CD244: variants seen among roughly 807,000 people sequenced by gnomAD.
The protein encoded by CD244 is CD244 molecule, also known as natural killer cell receptor 2B4.
CD244 carries 20 observed loss-of-function variants against 45.5 expected under a neutral mutation model. The observed-to-expected ratio is 0.44, with a 90% CI of 0.31 to 0.64. The LOEUF (loss-of-function observed/expected upper bound fraction) is 0.64. CD244 is among the 30% of genes least tolerant of loss of function. CD244 has a pLI of 0.08. For synonymous variants in CD244, 185 were observed against 160.5 expected (o/e 1.15, Z -1.15); for missense variants, 407 against 426.9 (o/e 0.95, Z 0.41).
rs3766377 is a variant in CD244 at position 160,830,769 on chromosome 1, A to G, written c.*578T>C. 51,023 of 153,088 alleles carry G rather than the reference A, an allele frequency of 0.33. 9,181 individuals are homozygous for G. The highest frequency in any genetic ancestry group is 0.47 in the African/African-American group (19,493 of 41,468). The allele number at this position is 153,088 out of a possible 1,614,324, so 9.5% of individuals were successfully genotyped here. ...TGGCCAACTGGCCAGAGGTAAAGGT[A>G]TGAGATGCAGGGAGAAAGTTTTTTC... On this transcript the variant is annotated 3_prime_UTR_variant, in exon 9 of 9. Transcript: ENST00000368034.
intron 1 of CD244, among the ~76,000 whole-genome samples, chr1:160,847,388 G>A (rs1669773736): frequency 6.6e-6 from 1 of 151,954 alleles, no homozygotes; most frequent in East Asian, 1.9e-4. Flanking sequence ...CCTAACAATT[G>A]CAGAATACAT....
Position 160,841,666 on chromosome 1 carries a change from C to T in CD244, c.297G>A (p.Gln99=). The T allele has an allele frequency of 6.2e-7, 1 of 1,614,230 alleles. No individual in the cohort carries two copies. The highest frequency in any genetic ancestry group is 8.5e-7 in the Non-Finnish European group (1 of 1,180,032). The change falls in exon 2 of 9, where the codon CAG becomes CAA. Residue 99 remains glutamine, a synonymous_variant. Coordinates refer to ENST00000368034, the MANE Select transcript of CD244 (RefSeq NM_016382.4). The part of the protein sequence containing the change: ...NLSLLIKAAQ[Q]QDSGLYCLEV... ...CCAGGCAGTAGAGGCCACTGTCCTG[C>T]TGCTGAGCTGCCTTGATGAGAAGAC...
rs1669449490 is a variant in CD244 at position 160,839,246 on chromosome 1, GATAT to G, written c.656-201_656-198del. 3.0e-4 allele frequency: 158 copies of G among 518,720 alleles called. 2 individuals carry two copies. In the South Asian group the frequency reaches 3.7e-3, roughly 12 times the overall value. 32.1% of individuals were successfully genotyped at this position (518,720 alleles called of 1,614,324 possible). Reference sequence around the variant, plus strand: ...TCCTCTGAGTGATGCCAAGAGCATAGATATATCAGACAGGCCTGGCTCAAATTCT... The same window carrying G: ...TCCTCTGAGTGATGCCAAGAGCATAGATCAGACAGGCCTGGCTCAAATTCT... On this transcript the variant is annotated intron_variant, in intron 3 of 8. Coordinates refer to ENST00000368034, the MANE Select transcript of CD244 (RefSeq NM_016382.4).
At chr1:160,857,231 G>C (rs1041910769) in intron 1 of CD244, among the ~76,000 whole-genome samples, 1 of 152,164 alleles carries the variant, frequency 6.6e-6, no homozygotes, top group African/African-American at 2.4e-5. Flanking sequence ...GCACTATTTG[G>C]TTCAACCACT....
At chr1:160,848,242 C>T (rs976199850) in intron 1 of CD244, 24 of 555,830 alleles carry the variant, frequency 4.3e-5, no homozygotes, top group African/African-American at 7.6e-5. Context: ...GCAAGTTCAT[C>T]TATGGGGTGA....
At chr1:160,858,698 G>A (rs758863364) in intron 1 of CD244, among the ~76,000 whole-genome samples, 3 of 152,168 alleles carry the variant, frequency 2.0e-5, no homozygotes, top group Non-Finnish European at 4.4e-5. Flanking sequence ...ACTGCACCAG[G>A]CACTAATCAC....
Position 160,854,503 on chromosome 1 carries a change from C to T in CD244, c.61+8114G>A, listed in dbSNP as rs148187548. ...GTTCAAGTGATTCTCCTGTCTCAGCCTCATGAGTAACTGGGACTACAGGTG... is the reference window on the plus strand; with the variant it reads ...GTTCAAGTGATTCTCCTGTCTCAGCTTCATGAGTAACTGGGACTACAGGTG... On this transcript the variant is annotated intron_variant, in intron 1 of 8. Transcript: ENST00000368034. Among the ~76,000 whole-genome samples, 1,180 of 151,924 alleles carry T rather than the reference C, an allele frequency of 7.8e-3. 24 individuals are homozygous for T. Among genetic ancestry groups the T allele is most frequent in the South Asian group, 0.051 (247 of 4,806 alleles).
chr1:160,836,101 AT>A, intron 6 of CD244, 93 bp downstream of exon 6: 1 of 920,158 alleles, frequency 1.1e-6, no homozygotes, highest in Non-Finnish European at 1.8e-6. Flanking sequence ...AAGCACCAAG[AT>A]CTTATTCTGC....
At chr1:160,862,316 G>A (rs1194802908) in intron 1 of CD244, among the ~76,000 whole-genome samples, 1 of 152,162 alleles carries the variant, frequency 6.6e-6, no homozygotes, top group African/African-American at 2.4e-5. Context: ...TTTACAGGCG[G>A]CTGGAAGGAG....
At chr1:160,862,590 GCC>G in intron 1 of CD244, 25 bp downstream of exon 1, 1 of 1,608,586 alleles carries the variant, frequency 6.2e-7, no homozygotes, top group Non-Finnish European at 8.5e-7. Context: ...TCCCTCCCTC[GCC>G]CCACGCCAGG....
chr1:160,831,372 A>G lies in CD244; in HGVS notation c.1073T>C (p.Leu358Pro). Residue 358 changes from leucine (L) to proline (P), a missense_variant, in exon 9 of 9, where the codon CTG (leucine) becomes CCG (proline). Leu to Pro is a moderately conservative substitution (Grantham distance 98). Coordinates refer to ENST00000368034, the MANE Select transcript of CD244 (RefSeq NM_016382.4). ...CTAGGAATAAACATCAAAGTTCTCC[A>G]GCTCTTTGCGGCTCAATCGAGCAGG... ...QNPARLSRKE[L>P]ENFDVYS 1 of 1,614,124 alleles carries G rather than the reference A, an allele frequency of 6.2e-7. No homozygotes were observed. The highest frequency in any genetic ancestry group is 1.1e-5 in the South Asian group (1 of 91,080).
At chr1:160,853,685 C>G (rs12139313) in intron 1 of CD244, among the ~76,000 whole-genome samples, 2 of 149,662 alleles carry the variant, frequency 1.3e-5, no homozygotes, top group Admixed American at 6.7e-5. Context: ...AAACCCAACT[C>G]TTAGCTAAAT....
intron 7 of CD244, among the ~76,000 whole-genome samples, chr1:160,832,881 TATATATACACACACACATATATATAC>T (rs1369394262): frequency 6.7e-6 from 1 of 148,982 alleles, no homozygotes. Context: ...TATATATATA[TATATATACACACACACATATATATAC>T]ATATTTGTGT....
intron 1 of CD244, among the ~76,000 whole-genome samples, chr1:160,856,228 C>T (rs552256010): frequency 6.6e-6 from 1 of 152,234 alleles, no homozygotes; most frequent in South Asian, 2.1e-4. Context: ...ATAGGGCCCA[C>T]ATCCCATTTC....
chr1:160,832,744 T>C (rs371286028), intron 7 of CD244, 169 bp from the exon 8 acceptor site: 18 of 1,418,414 alleles, frequency 1.3e-5, no homozygotes, highest in East Asian at 1.1e-4. Flanking sequence ...ATGGTGTTTA[T>C]GGTCTCCAGG....
rs764873996 is a variant in CD244, at chr1:160,831,433, A to G, written c.1018-6T>C. 1.4e-5 allele frequency: 23 copies of G among 1,610,432 alleles called. No homozygotes were observed. The South Asian group carries it at 2.0e-4, about 14-fold the overall frequency. ...TTAGGTTGACTCTTTCCAATCTGCA[A>G]AAGAAAAGGAGAAACTTCAGACCCT... On this transcript the variant is annotated splice_region_variant and splice_polypyrimidine_tract_variant and intron_variant, in intron 8 of 8. Transcript: ENST00000368034.
intron 1 of CD244, among the ~76,000 whole-genome samples, chr1:160,850,759 G>A (rs1669891407): frequency 6.6e-6 from 1 of 152,138 alleles, no homozygotes; most frequent in Non-Finnish European, 1.5e-5. Context: ...TTTCCCACGT[G>A]CCAAGCAAGC....
chr1:160,837,306 A>G (rs1363487379), intron 5 of CD244, among the ~76,000 whole-genome samples: 2 of 152,110 alleles, frequency 1.3e-5, no homozygotes, highest in Admixed American at 1.3e-4. Context: ...TTTTGGAAAA[A>G]TAGATTATTT....
At chr1:160,854,997 G>T (rs745356168) in intron 1 of CD244, among the ~76,000 whole-genome samples, 9 of 152,214 alleles carry the variant, frequency 5.9e-5, no homozygotes, top group Non-Finnish European at 1.2e-4. Context: ...AAGCTCTGGT[G>T]CCCTGAGCAC....
Sources: allele counts gnomAD v4.1 joint callset (sites outside exome capture counted in the v4.1 genomes callset), GRCh38; gene constraint gnomAD v4.1.1; transcripts MANE v1.5; gene names NCBI Gene and HGNC (gene_info 2026-07-23, HGNC 2026-07-21).